FBN1: variants seen among roughly 807,000 people sequenced by gnomAD.
FBN1 encodes fibrillin-1.
A neutral mutation model predicts 365.1 loss-of-function variants in FBN1; 29 were observed. The observed-to-expected ratio is 0.08, with a 90% confidence interval of 0.06 to 0.11. The LOEUF is 0.11. FBN1 is among the 10% of genes least tolerant of loss of function. The probability of loss-of-function intolerance (pLI) is 1.00; values close to 1 mark genes in which losing one functional copy is unlikely to be tolerated. For missense variants in FBN1, 2,476 were observed against 3,703.2 expected (o/e 0.67, Z 8.60); for synonymous variants, 1,210 against 1,270.5 (o/e 0.95, Z 1.01).
chr15:48,467,094 G>T (rs4774517), intron 38 of FBN1, among the ~76,000 whole-genome samples: 50,958 of 151,986 alleles, frequency 0.34, 9,660 homozygotes, highest in African/African-American at 0.52. Context: ...GAGTCCTAAT[G>T]TGCACCAGGT....
intron 63 of FBN1, among the ~76,000 whole-genome samples, chr15:48,418,950 T>A (rs2042920254): frequency 6.6e-6 from 1 of 152,164 alleles, no homozygotes; most frequent in South Asian, 2.1e-4. Context: ...ATCTGCAAGC[T>A]GAATTTTTTG....
chr15:48,565,849 G>A (rs1204715962), intron 6 of FBN1, among the ~76,000 whole-genome samples: 1 of 152,180 alleles, frequency 6.6e-6, no homozygotes, highest in East Asian at 1.9e-4. Context: ...CCTGGGGCAA[G>A]AGTCTGTTCT....
intron 4 of FBN1, among the ~76,000 whole-genome samples, chr15:48,600,640 G>A (rs970038542): frequency 1.3e-5 from 2 of 152,194 alleles, no homozygotes; most frequent in African/African-American, 2.4e-5. Context: ...GGGGGGCAGA[G>A]GTTGTAGTGA....
intron 51 of FBN1, 109 bp from the exon 52 acceptor site, chr15:48,437,496 GATGGAAAAA>G: frequency 5.8e-6 from 6 of 1,040,980 alleles, no homozygotes; most frequent in Non-Finnish European, 8.8e-6. Context: ...ATTGATAAAT[GATGGAAAAA>G]ACAAGCCCAG....
intron 9 of FBN1, among the ~76,000 whole-genome samples, chr15:48,522,334 T>G (rs1012922583): frequency 2.0e-5 from 3 of 152,068 alleles, no homozygotes; most frequent in Admixed American, 2.0e-4. Flanking sequence ...TTTAATTAAT[T>G]TAATATAATA....
chr15:48,609,548 A>G (rs1047590599), intron 4 of FBN1, among the ~76,000 whole-genome samples: 1 of 152,198 alleles, frequency 6.6e-6, no homozygotes, highest in Non-Finnish European at 1.5e-5. Flanking sequence ...CCCACTGGGG[A>G]ACTTCAGGAG....
chr15:48,427,469 T>A (rs1311721988), intron 58 of FBN1, 98 bp downstream of exon 58: 2 of 1,259,544 alleles, frequency 1.6e-6, no homozygotes, highest in African/African-American at 2.9e-5. Context: ...CAATTCAACC[T>A]AGGCACATAT....
chr15:48,634,301 A>C (rs189318796), intron 2 of FBN1, among the ~76,000 whole-genome samples: 3 of 152,312 alleles, frequency 2.0e-5, no homozygotes, highest in African/African-American at 7.2e-5. Flanking sequence ...CATTCCTCTA[A>C]ATGTTTTCAT....
At position 48,505,075 on chromosome 15, in the gene FBN1, C is replaced by T. The variant is rs1478695794; in HGVS notation, c.1910G>A (p.Cys637Tyr). Reference sequence around the variant, plus strand: ...CACAGCCAGTCCAGGGAAGCATTCACATCTGTAGGAGCCATCAGTGTTGAC... The same window carrying T: ...CACAGCCAGTCCAGGGAAGCATTCATATCTGTAGGAGCCATCAGTGTTGAC... Reference protein sequence around the residue: ...RCVNTDGSYRCECFPGLAVGL... With the variant: ...RCVNTDGSYRYECFPGLAVGL... Residue 637 changes from cysteine (C) to tyrosine (Y), a missense_variant, in exon 16 of 66, where the codon TGT (cysteine) becomes TAT (tyrosine). Cys to Tyr is a radical substitution (Grantham distance 194). Around this residue, in one of 5 missense-constraint regions of FBN1, gnomAD observed 1,780 missense variants for 2,840.8 expected, o/e 0.63. Transcript: ENST00000316623. 1 of 1,614,202 alleles carries T rather than the reference C, an allele frequency of 6.2e-7. No individual in the cohort carries two copies. The highest frequency in any genetic ancestry group is 8.5e-7 in the Non-Finnish European group (1 of 1,180,026).
At chr15:48,634,270 G>T (rs1342676642) in intron 2 of FBN1, among the ~76,000 whole-genome samples, 1 of 152,132 alleles carries the variant, frequency 6.6e-6, no homozygotes, top group Non-Finnish European at 1.5e-5. Context: ...CCAGACAATG[G>T]ATTAACCTGC....
chr15:48,463,855 A>G (rs1288658975), intron 41 of FBN1, 44 bp downstream of exon 41: 6 of 1,569,928 alleles, frequency 3.8e-6, no homozygotes, highest in Non-Finnish European at 5.2e-6. Flanking sequence ...TCCTCTTTGT[A>G]GATGAGAACC....
At position 48,410,123 on chromosome 15, in the gene FBN1, C is replaced by A. The variant is rs189749406; in HGVS notation, c.*867G>T. The A allele has an allele frequency of 7.7e-3, 1,177 of 152,660 alleles. 13 individuals carry two copies. Among genetic ancestry groups the A allele is most frequent in the Non-Finnish European group, 7.8e-3 (532 of 68,010 alleles). 9.5% of individuals were successfully genotyped at this position (152,660 alleles called of 1,614,324 possible). A position where few individuals can be genotyped will look rare whatever the true frequency, so the allele number is the denominator to read the frequency against. ...TTTATTGTGACATTTATGACATTGACCCCTTGTTGACAGGAATGACCGAGG... is the reference window on the plus strand; with the variant it reads ...TTTATTGTGACATTTATGACATTGAACCCTTGTTGACAGGAATGACCGAGG... On this transcript the variant is annotated 3_prime_UTR_variant, in exon 66 of 66. Transcript: ENST00000316623.
At chr15:48,434,003 T>C (rs1312837810) in intron 54 of FBN1, among the ~76,000 whole-genome samples, 2 of 152,120 alleles carry the variant, frequency 1.3e-5, no homozygotes, top group Non-Finnish European at 2.9e-5. Flanking sequence ...TCTAATAAGT[T>C]CCCAGGTGAT....
At chr15:48,427,363 C>A (rs765545256) in intron 58 of FBN1, among the ~76,000 whole-genome samples, 1 of 152,186 alleles carries the variant, frequency 6.6e-6, no homozygotes, top group African/African-American at 2.4e-5. Context: ...GTCCTAAGCA[C>A]ACACAGCTTA....
intron 4 of FBN1, among the ~76,000 whole-genome samples, chr15:48,604,705 C>A (rs2044593134): frequency 6.6e-6 from 1 of 152,204 alleles, no homozygotes; most frequent in Non-Finnish European, 1.5e-5. Context: ...ATGCATGCTT[C>A]TCCTCCCAGT....
chr15:48,415,912 G>T, intron 63 of FBN1, 145 bp from the exon 64 acceptor site: 1 of 715,424 alleles, frequency 1.4e-6, no homozygotes, highest in South Asian at 1.5e-5. Context: ...TGGGTGGGGA[G>T]AGCAACAGCA....
rs1060501097 is a variant in FBN1 at position 48,446,718 on chromosome 15, T to C, written c.5776A>G (p.Asn1926Asp). The change falls in exon 47 of 66, where the codon AAT becomes GAT. Residue 1926 changes from asparagine (N) to aspartate (D), a missense_variant. Physicochemically the swap from Asn to Asp is conservative, Grantham distance 23. Coordinates refer to ENST00000316623, the MANE Select transcript of FBN1 (RefSeq NM_000138.5). ...TTTGCACACGCACCTATACAGTCAT[T>C]GTTGTGAGAAAGGATGAAACCATGA... ...CNHGFILSHN[N>D]DCIDVDECAS... 4.3e-6 allele frequency: 7 copies of C among 1,609,858 alleles called. No individual in the cohort carries two copies. Among genetic ancestry groups the C allele is most frequent in the Non-Finnish European group, 6.0e-6 (7 of 1,176,268 alleles).
intron 6 of FBN1, among the ~76,000 whole-genome samples, chr15:48,554,947 A>G (rs1388662238): frequency 6.6e-6 from 1 of 152,222 alleles, no homozygotes; most frequent in Non-Finnish European, 1.5e-5. Context: ...ATTCTATGAC[A>G]ATGATATTTT....
In FBN1 at chr15:48,577,981, G is replaced by C. The variant is rs138477744; in HGVS notation, c.538+18302C>G. On this transcript the variant is annotated intron_variant, in intron 6 of 65. Coordinates refer to ENST00000316623, the MANE Select transcript of FBN1 (RefSeq NM_000138.5). Reference sequence around the variant, plus strand: ...CAAAAAGAAATTAAGCTGTTACTATGTGCTTGTTACTAAAGTAATATTTAT... The same window carrying C: ...CAAAAAGAAATTAAGCTGTTACTATCTGCTTGTTACTAAAGTAATATTTAT... 2.5e-3 allele frequency among the ~76,000 whole-genome samples: 381 copies of C among 152,138 alleles called. 2 individuals carry two copies. The highest frequency in any genetic ancestry group is 8.8e-3 in the African/African-American group (366 of 41,514).
Sources: gnomAD v4.1 joint callset for allele counts (sites outside exome capture counted in the v4.1 genomes callset) on GRCh38, gnomAD v4.1.1 for gene constraint, gnomAD v4.1.1 regional missense constraint, MANE v1.5 for transcripts, NCBI Gene and HGNC (gene_info 2026-07-23, HGNC 2026-07-21) for gene names.